Variants in MGAM2 observed in about 807,000 individuals in gnomAD.
MGAM2 encodes the protein maltase-glucoamylase 2 (putative), also known as probable maltase-glucoamylase 2.
Under a neutral mutation model 96.1 loss-of-function variants are expected in MGAM2, and 98 were observed. The ratio of observed to expected loss-of-function variants is 1.02; its 90% CI spans 0.87 to 1.21. The LOEUF (loss-of-function observed/expected upper bound fraction) is 1.21, where lower values mean the gene tolerates loss of function less well. MGAM2 is among the 50% of genes most tolerant of loss of function. MGAM2 has a pLI of 0.00. For missense variants in MGAM2, 2,055 were observed against 1,182.4 expected, an observed-to-expected ratio of 1.74 and a Z score of -10.82; for synonymous variants, 749 against 414.8, an observed-to-expected ratio of 1.81 and a Z score of -9.79.
Position 142,114,202 on chromosome 7 carries a change from GAAAGAAAGAA to G in MGAM2, c.-1+2397_-1+2406del, listed in dbSNP as rs1563242722. ...AGAAAGAAAGAAAGAAAGAAAGAAA[GAAAGAAAGAA>G]AGAGAGAAAGAAAGAAAGAAATAGG... On this transcript the variant is annotated intron_variant, in intron 1 of 47. Transcript: ENST00000477922. 2.8e-5 allele frequency among the ~76,000 whole-genome samples: 4 copies of G among 140,490 alleles called. 1 individual carries two copies. Among genetic ancestry groups the G allele is most frequent in the African/African-American group, 5.7e-5 (2 of 34,962 alleles). 92.2% of individuals were successfully genotyped at this position (140,490 alleles called of 152,430 possible).
chr7:142,159,660 C>T (rs1486665110), intron 20 of MGAM2, among the ~76,000 whole-genome samples: 1 of 152,140 alleles, frequency 6.6e-6, no homozygotes, highest in African/African-American at 2.4e-5. Flanking sequence ...CTTGCTCCTC[C>T]CTCATGACTT....
At chr7:142,189,586 A>G (rs1028301024) in intron 37 of MGAM2, 81 bp downstream of exon 37, 1 of 545,552 alleles carries the variant, frequency 1.8e-6, no homozygotes. Flanking sequence ...TTGTGCATGT[A>G]TCTACGTGAT....
intron 3 of MGAM2, among the ~76,000 whole-genome samples, chr7:142,122,436 T>C (rs1794605332): frequency 6.6e-6 from 1 of 152,238 alleles, no homozygotes; most frequent in Admixed American, 6.5e-5. Context: ...TGACTACACA[T>C]GTGTAAGCCA....
chr7:142,186,190 A>T, intron 35 of MGAM2, 67 bp downstream of exon 35: 2 of 676,312 alleles, frequency 3.0e-6, no homozygotes, highest in Non-Finnish European at 5.3e-6. Flanking sequence ...CATGGGGAGG[A>T]GAGACTAGCA....
chr7:142,219,432 A>G (rs1797856039), intron 47 of MGAM2, among the ~76,000 whole-genome samples: 1 of 152,236 alleles, frequency 6.6e-6, no homozygotes, highest in Non-Finnish European at 1.5e-5. Context: ...AAGATTGTGC[A>G]GAAAATCCTT....
intron 45 of MGAM2, among the ~76,000 whole-genome samples, chr7:142,203,706 C>T (rs973872111): frequency 5.9e-5 from 9 of 151,970 alleles, no homozygotes; most frequent in Non-Finnish European, 1.2e-4. Context: ...CACCTACAAC[C>T]ATCTAATCTT....
At position 142,221,594 on chromosome 7, in the gene MGAM2, C is replaced by A; in HGVS notation, c.7083C>A (p.Thr2361=). The A allele has an allele frequency of 2.0e-6, 1 of 505,388 alleles. No homozygotes were observed. The highest frequency in any genetic ancestry group is 3.4e-6 in the Non-Finnish European group (1 of 289,962). 31.3% of individuals were successfully genotyped at this position (505,388 alleles called of 1,614,324 possible). The change falls in exon 48 of 48, where the codon ACC becomes ACA. Residue 2361 remains threonine (T), a synonymous_variant. Coordinates refer to ENST00000477922, the MANE Select transcript of MGAM2 (RefSeq NM_001293626.2). ...TAATAGATGCTACGGTCACTACTACCAGCACCAAAGATAATACCATGAGTC... is the reference window on the plus strand; with the variant it reads ...TAATAGATGCTACGGTCACTACTACAAGCACCAAAGATAATACCATGAGTC... ...TMVIDATVTT[T]STKDNTMSPD... is the part of the protein sequence containing the mutation.
chr7:142,181,372 T>C (rs1332222556), intron 32 of MGAM2, among the ~76,000 whole-genome samples: 1 of 152,194 alleles, frequency 6.6e-6, no homozygotes, highest in Non-Finnish European at 1.5e-5. Flanking sequence ...GCACCCTTTT[T>C]GTTTGGTGGT....
At chr7:142,201,806 T>A (rs1797244161) in intron 45 of MGAM2, among the ~76,000 whole-genome samples, 1 of 152,204 alleles carries the variant, frequency 6.6e-6, no homozygotes, top group African/African-American at 2.4e-5. Context: ...CACGGGAGGA[T>A]GTGTATAGGT....
rs1369874829 is a variant in MGAM2 at position 142,164,974 on chromosome 7, A to G, written c.2603A>G (p.Asn868Ser). The G allele has an allele frequency of 2.8e-6, 2 of 702,688 alleles. No individual in the cohort carries two copies. The highest frequency in any genetic ancestry group is 2.0e-5 in the Admixed American group (1 of 49,972). The allele number at this position is 702,688 out of a possible 1,614,324, so 43.5% of individuals were successfully genotyped here. A position where few individuals can be genotyped will look rare whatever the true frequency, so the allele number is the denominator to read the frequency against. ...CCAGCTAATTTTATCGTCCTACTGA[A>G]TAATGTTGCCACCTCCAGTCCAAGC... is the stretch of plus-strand genomic sequence containing the variant. ...KQPANFIVLL[N>S]NVATSSPSVV... The change falls in exon 24 of 48, where the codon AAT (asparagine) becomes AGT (serine). Residue 868 changes from asparagine (N) to serine (S), a missense_variant. Physicochemically the swap from Asn to Ser is conservative, Grantham distance 46 (BLOSUM62 1). Coordinates refer to ENST00000477922, the MANE Select transcript of MGAM2 (RefSeq NM_001293626.2).
chr7:142,128,534 G>A (rs528148364), intron 3 of MGAM2, among the ~76,000 whole-genome samples: 390 of 152,320 alleles, frequency 2.6e-3, no homozygotes, highest in Non-Finnish European at 4.0e-3. Context: ...ATGGTTCCAT[G>A]GGCCAGGCCC....
At chr7:142,126,256 C>T (rs6976469) in intron 3 of MGAM2, among the ~76,000 whole-genome samples, 63,426 of 151,622 alleles carry the variant, frequency 0.42, 13,824 homozygotes, top group African/African-American at 0.55. Flanking sequence ...AATATATGAA[C>T]GAATTCAAAT....
chr7:142,115,166 G>C (rs1172392886), intron 1 of MGAM2, among the ~76,000 whole-genome samples: 2 of 152,162 alleles, frequency 1.3e-5, no homozygotes, highest in South Asian at 2.1e-4. Flanking sequence ...GCAGTGAGTT[G>C]AGATTGCGCC....
chr7:142,188,644 T>C (rs1227151248), intron 36 of MGAM2, among the ~76,000 whole-genome samples: 1 of 152,222 alleles, frequency 6.6e-6, no homozygotes, highest in Non-Finnish European at 1.5e-5. Context: ...TGCAATGGTC[T>C]GACTTATGAT....
At chr7:142,192,347 C>T (rs1796896055) in intron 37 of MGAM2, among the ~76,000 whole-genome samples, 1 of 152,118 alleles carries the variant, frequency 6.6e-6, no homozygotes, top group African/African-American at 2.4e-5. Flanking sequence ...GGAAAACACC[C>T]ATGTCATTAT....
At chr7:142,208,323 T>C (rs1383432434) in intron 45 of MGAM2, 1 of 612,038 alleles carries the variant, frequency 1.6e-6, no homozygotes, top group African/African-American at 1.8e-5. Flanking sequence ...TATCCTTTGT[T>C]CAACCCAGAT....
chr7:142,202,459 C>T (rs764647257), intron 45 of MGAM2, among the ~76,000 whole-genome samples: 4 of 152,106 alleles, frequency 2.6e-5, no homozygotes, highest in African/African-American at 7.2e-5. Context: ...TCAACCCATG[C>T]CCCCATTCCT....
chr7:142,190,267 C>CTTTTTTTTTTTTTTT (rs58228482), intron 37 of MGAM2, among the ~76,000 whole-genome samples: 1 of 104,246 alleles, frequency 9.6e-6, no homozygotes, highest in African/African-American at 3.9e-5. Flanking sequence ...TACCATTTTA[C>CTTTTTTTTTTTTTTT]TTTTTTTTTT....
chr7:142,214,006 T>C (rs531867977), intron 46 of MGAM2, among the ~76,000 whole-genome samples: 1 of 152,266 alleles, frequency 6.6e-6, no homozygotes, highest in South Asian at 2.1e-4. Context: ...GTTCAACATA[T>C]GCAAGTCAAT....
Sources: allele counts gnomAD v4.1 joint callset (sites outside exome capture counted in the v4.1 genomes callset), GRCh38; gene constraint gnomAD v4.1.1; transcripts MANE v1.5; gene names NCBI Gene and HGNC (gene_info 2026-07-23, HGNC 2026-07-21).